Variants in DPP10 observed in about 807,000 individuals in gnomAD.
DPP10 encodes dipeptidyl peptidase like 10.
DPP10 carries 33 observed loss-of-function variants against 120.9 expected under a neutral mutation model. The observed-to-expected ratio is 0.27, with a 90% confidence interval of 0.21 to 0.37. DPP10 has a LOEUF of 0.37. Ranked by LOEUF, DPP10 falls within the 10% of genes least tolerant of loss-of-function variation. The pLI, the probability that DPP10 is intolerant of heterozygous loss-of-function variation, is 1.00. For missense variants in DPP10, 816 were observed against 942.8 expected (o/e 0.87, Z 1.76); for synonymous variants, 337 against 326.1 (o/e 1.03, Z -0.36).
rs867370873 is a variant in DPP10, at chr2:115,375,373, T to G, written c.271+31461T>G. On this transcript the variant is annotated intron_variant, in intron 3 of 25. Coordinates refer to ENST00000410059, the MANE Select transcript of DPP10 (RefSeq NM_020868.6). Reference sequence around the variant, plus strand: ...CTCCAGTAACCAGTAAGTTCCTCATTTCCACCTGAGATGACCTCAGCCTGG... The same window carrying G: ...CTCCAGTAACCAGTAAGTTCCTCATGTCCACCTGAGATGACCTCAGCCTGG... Among the ~76,000 whole-genome samples the G allele has an allele frequency of 2.0e-5, 3 of 152,214 alleles. No individual in the cohort carries two copies. The South Asian group carries it at 6.2e-4, about 31-fold the overall frequency.
At chr2:115,376,772 A>G (rs1023662441) in intron 3 of DPP10, among the ~76,000 whole-genome samples, 24 of 148,290 alleles carry the variant, frequency 1.6e-4, no homozygotes, top group East Asian at 6.2e-4. Context: ...TCATTGTTCA[A>G]TTCCCACCTA....
chr2:115,601,792 G>T (rs1338588312), intron 5 of DPP10, among the ~76,000 whole-genome samples: 2 of 151,532 alleles, frequency 1.3e-5, no homozygotes, highest in Non-Finnish European at 2.9e-5. Flanking sequence ...CCCTGCCTCA[G>T]CCTCCCAGGT....
rs1224804365 is a variant in DPP10 at position 115,843,748 on chromosome 2, T to C, written c.*1403T>C. 3 of 152,270 alleles carry C rather than the reference T, an allele frequency of 2.0e-5. No individual in the cohort carries two copies. The highest frequency in any genetic ancestry group is 1.5e-5 in the Non-Finnish European group (1 of 68,020). The allele number at this position is 152,270 out of a possible 1,614,324, so 9.4% of individuals were successfully genotyped here. A position where few individuals can be genotyped will look rare whatever the true frequency, so the allele number is the denominator to read the frequency against. Reference sequence around the variant, plus strand: ...TTAACTTTGGTGACTAAAGTCAGAATATCTTCTCACTTCACTTAAGGGATC... The same window carrying C: ...TTAACTTTGGTGACTAAAGTCAGAACATCTTCTCACTTCACTTAAGGGATC... On this transcript the variant is annotated 3_prime_UTR_variant, in exon 26 of 26. Transcript: ENST00000410059.
At chr2:115,176,302 A>G (rs918960101) in intron 1 of DPP10, among the ~76,000 whole-genome samples, 9 of 147,778 alleles carry the variant, frequency 6.1e-5, no homozygotes, top group Non-Finnish European at 7.5e-5. Context: ...TTATATATAA[A>G]TATATATTTG....
chr2:115,301,388 C>T (rs2061123719), intron 1 of DPP10, among the ~76,000 whole-genome samples: 2 of 151,924 alleles, frequency 1.3e-5, no homozygotes, highest in African/African-American at 4.8e-5. Flanking sequence ...TCAGGCAGCC[C>T]ACAGACAGGC....
chr2:115,411,531 A>G (rs2068957094), intron 3 of DPP10, among the ~76,000 whole-genome samples: 1 of 152,138 alleles, frequency 6.6e-6, no homozygotes, highest in Non-Finnish European at 1.5e-5. Flanking sequence ...GTATTTATGA[A>G]GCTTTGGAAT....
intron 1 of DPP10, among the ~76,000 whole-genome samples, chr2:114,624,798 G>A (rs888212649): frequency 2.6e-5 from 4 of 151,782 alleles, no homozygotes; most frequent in Non-Finnish European, 1.5e-5. Context: ...CATAACATAA[G>A]CAATTAAAAT....
At chr2:115,127,734 C>A (rs2050148688) in intron 1 of DPP10, among the ~76,000 whole-genome samples, 1 of 152,154 alleles carries the variant, frequency 6.6e-6, no homozygotes, top group Non-Finnish European at 1.5e-5. Flanking sequence ...CTTTACTATA[C>A]ACATTTATAT....
At chr2:114,854,616 A>G (rs1689228512) in intron 1 of DPP10, among the ~76,000 whole-genome samples, 1 of 152,182 alleles carries the variant, frequency 6.6e-6, no homozygotes, top group African/African-American at 2.4e-5. Context: ...GTAGAGAAAC[A>G]GGGTTTGAGG....
chr2:115,429,921 C>G (rs1333342706), intron 3 of DPP10, among the ~76,000 whole-genome samples: 1 of 152,104 alleles, frequency 6.6e-6, no homozygotes, highest in African/African-American at 2.4e-5. Flanking sequence ...TATGAGCAAC[C>G]TGGAGCGTGT....
At chr2:114,862,165 CAG>C in intron 1 of DPP10, among the ~76,000 whole-genome samples, 1 of 151,932 alleles carries the variant, frequency 6.6e-6, no homozygotes, top group Non-Finnish European at 1.5e-5. Flanking sequence ...AAGCACTAGA[CAG>C]AGATTGCAAA....
chr2:115,501,263 G>A (rs1439287766), intron 4 of DPP10, among the ~76,000 whole-genome samples: 1 of 151,782 alleles, frequency 6.6e-6, no homozygotes, highest in African/African-American at 2.4e-5. Context: ...TTATGTTTTG[G>A]TTTTCCATTA....
chr2:114,462,231 A>G (rs1035248999), intron 1 of DPP10: 1 of 775,182 alleles, frequency 1.3e-6, no homozygotes, highest in Middle Eastern at 6.8e-4. Flanking sequence ...AGCCGTATAT[A>G]CCACCCTATT....
intron 1 of DPP10, among the ~76,000 whole-genome samples, chr2:115,068,894 G>A (rs1174901930): frequency 6.6e-6 from 1 of 151,996 alleles, no homozygotes; most frequent in Non-Finnish European, 1.5e-5. Flanking sequence ...TTTATTTCTG[G>A]GCTCTCTATA....
At chr2:115,618,737 C>T (rs1291571758) in intron 5 of DPP10, among the ~76,000 whole-genome samples, 1 of 152,142 alleles carries the variant, frequency 6.6e-6, no homozygotes, top group East Asian at 1.9e-4. Context: ...ATAGCATTCA[C>T]TTAGACTAGG....
At chr2:115,493,860 A>G (rs1244956268) in intron 3 of DPP10, among the ~76,000 whole-genome samples, 2 of 152,166 alleles carry the variant, frequency 1.3e-5, no homozygotes, top group East Asian at 3.9e-4. Flanking sequence ...AACAAGGTGG[A>G]AACCCCTCAG....
At chr2:114,756,502 C>A (rs1455955630) in intron 1 of DPP10, among the ~76,000 whole-genome samples, 3 of 152,194 alleles carry the variant, frequency 2.0e-5, no homozygotes, top group Non-Finnish European at 4.4e-5. Flanking sequence ...ATCAGTCATC[C>A]AATCCGAATG....
At chr2:115,715,986 A>G (rs532762189) in intron 7 of DPP10, among the ~76,000 whole-genome samples, 41 of 152,366 alleles carry the variant, frequency 2.7e-4, no homozygotes, top group Non-Finnish European at 5.0e-4. Context: ...ACATTGATCC[A>G]TATTTATGCA....
intron 19 of DPP10, among the ~76,000 whole-genome samples, chr2:115,803,268 G>A (rs192230594): frequency 0.017 from 2,580 of 151,694 alleles, 38 homozygotes; most frequent in Non-Finnish European, 0.026. Context: ...GTCTTTTTTT[G>A]TTTTCCATTT....
Sources: allele counts gnomAD v4.1 joint callset (sites outside exome capture counted in the v4.1 genomes callset), GRCh38; gene constraint gnomAD v4.1.1; transcripts MANE v1.5; gene names NCBI Gene and HGNC (gene_info 2026-07-23, HGNC 2026-07-21).